Variants in FAM117A observed in about 807,000 individuals in gnomAD.
The protein encoded by FAM117A is protein FAM117A.
In FAM117A, 21 loss-of-function variants were observed where a neutral mutation model predicts 44.1. The ratio of observed to expected loss-of-function variants is 0.48; its 90% CI spans 0.34 to 0.69. The LOEUF is 0.69. Among genes scored for constraint, FAM117A ranks in the 30% least tolerant of loss-of-function variants. FAM117A has a pLI of 0.01. For synonymous variants in FAM117A, 220 were observed against 238.3 expected (o/e 0.92, Z 0.71); for missense variants, 498 against 589.9 (o/e 0.84, Z 1.61).
rs146135885 is a variant in FAM117A at position 49,782,197 on chromosome 17, A to C, written c.-621+6300T>G. 5.8e-3 allele frequency among the ~76,000 whole-genome samples: 881 copies of C among 151,678 alleles called. 8 individuals carry two copies. Among genetic ancestry groups the C allele is most frequent in the African/African-American group, 0.021 (849 of 41,302 alleles). The stretch of plus-strand genomic sequence containing the variant: ...GAGACCATCCTGGCTAACACAATGA[A>C]ACCCCGTCTCTACTAAAAATACAAA... On this transcript the variant is annotated intron_variant, in intron 1 of 7. Coordinates refer to the FAM117A transcript ENST00000513602.
intron 1 of FAM117A, among the ~76,000 whole-genome samples, chr17:49,777,106 G>A (rs541782009): frequency 2.6e-5 from 4 of 152,236 alleles, no homozygotes; most frequent in Non-Finnish European, 4.4e-5. Context: ...GCTGGCCGCT[G>A]TGTTTGGTTG....
chr17:49,711,411 G>C lies in FAM117A; in HGVS notation c.1206C>G (p.Pro402=), dbSNP rs761305703. Residue 402 remains proline (P), a synonymous_variant, in exon 8 of 8, where the codon CCC becomes CCG. Coordinates refer to ENST00000240364, the MANE Select transcript of FAM117A (RefSeq NM_030802.4). ...PGMGFIFRNC[P]SNPGSPLPPA... ...GGGGAAGGGGAGATCCCGGGTTTGA[G>C]GGGCAGTTACGGAAGATGAAGCCCA... 6.2e-7 allele frequency: 1 copy of C among 1,613,556 alleles called. No individual in the cohort carries two copies. Among genetic ancestry groups the C allele is most frequent in the Non-Finnish European group, 8.5e-7 (1 of 1,179,810 alleles).
chr17:49,764,264 T>C (rs1175668109), upstream of FAM117A: 8 of 364,432 alleles, frequency 2.2e-5, no homozygotes, highest in Non-Finnish European at 3.9e-5. Context: ...AGCCTTCCCT[T>C]TCCTGAGGAT....
At chr17:49,768,609 G>A (rs1038188457), upstream of FAM117A, among the ~76,000 whole-genome samples, 1 of 152,122 alleles carries the variant, frequency 6.6e-6, no homozygotes. Context: ...GTCAGGACTG[G>A]CTCCTCAGGG....
chr17:49,752,163 GATA>G (rs1598031232), intron 1 of FAM117A, among the ~76,000 whole-genome samples: 1 of 152,098 alleles, frequency 6.6e-6, no homozygotes, highest in Non-Finnish European at 1.5e-5. Context: ...GGGAGGGTTA[GATA>G]ACCTCCAAGA....
intron 1 of FAM117A, chr17:49,747,360 G>C (rs1210958581): frequency 6.6e-6 from 1 of 152,196 alleles, no homozygotes; most frequent in Non-Finnish European, 1.5e-5. Flanking sequence ...CAGAGGGCAG[G>C]TTTGCTCTCT....
At chr17:49,744,050 T>G (rs2073644944) in intron 1 of FAM117A, among the ~76,000 whole-genome samples, 1 of 152,242 alleles carries the variant, frequency 6.6e-6, no homozygotes, top group Non-Finnish European at 1.5e-5. Flanking sequence ...AAATAATTTC[T>G]GCTTTATGAA....
At chr17:49,785,900 A>C (rs1598041063) in intron 1 of FAM117A, among the ~76,000 whole-genome samples, 1 of 152,376 alleles carries the variant, frequency 6.6e-6, no homozygotes, top group East Asian at 1.9e-4. Context: ...GAGAGTGTCA[A>C]CGTGAAGTCT....
intron 1 of FAM117A, among the ~76,000 whole-genome samples, chr17:49,779,895 C>A (rs1262772348): frequency 1.3e-5 from 2 of 152,160 alleles, no homozygotes; most frequent in Non-Finnish European, 2.9e-5. Context: ...GCTGGCAAGG[C>A]TAGGCACATA....
At chr17:49,720,475 G>T in intron 3 of FAM117A, 39 bp from the exon 4 acceptor site, 1 of 1,545,438 alleles carries the variant, frequency 6.5e-7, no homozygotes, top group Non-Finnish European at 8.9e-7. Flanking sequence ...GCAGATTAAG[G>T]AAAGCCAAAG....
intron 2 of FAM117A, among the ~76,000 whole-genome samples, chr17:49,723,178 A>G (rs2073543499): frequency 6.6e-6 from 1 of 151,690 alleles, no homozygotes; most frequent in South Asian, 2.1e-4. Flanking sequence ...TACTCCCCCA[A>G]CCCCTGCCCC....
intron 1 of FAM117A, among the ~76,000 whole-genome samples, chr17:49,761,065 C>A (rs2073720794): frequency 6.6e-6 from 1 of 152,118 alleles, no homozygotes. Flanking sequence ...ACCCTTTTCA[C>A]GAGGTCTAAT....
upstream of FAM117A, chr17:49,789,029 C>G (rs1479968489): frequency 2.1e-6 from 1 of 479,614 alleles, no homozygotes; most frequent in Non-Finnish European, 3.7e-6. Context: ...CTGGCCTCGG[C>G]CTATGCTTGC....
chr17:49,756,424 C>T (rs999285927), intron 1 of FAM117A, among the ~76,000 whole-genome samples: 2 of 151,940 alleles, frequency 1.3e-5, no homozygotes, highest in East Asian at 1.9e-4. Flanking sequence ...TGGCAGAGCT[C>T]GGGGTGAACT....
chr17:49,715,626 G>A (rs1240767974), intron 7 of FAM117A, among the ~76,000 whole-genome samples: 1 of 152,138 alleles, frequency 6.6e-6, no homozygotes, highest in Non-Finnish European at 1.5e-5. Flanking sequence ...TACTTGCAAG[G>A]ACTGGAAATT....
intron 1 of FAM117A, among the ~76,000 whole-genome samples, chr17:49,754,927 A>C (rs868600937): frequency 1.7e-4 from 25 of 150,846 alleles, no homozygotes; most frequent in African/African-American, 4.9e-4. Flanking sequence ...AATCCCAGCT[A>C]CTCGAGAGGC....
chr17:49,746,162 C>CA (rs1380988997), intron 1 of FAM117A, among the ~76,000 whole-genome samples: 2 of 152,050 alleles, frequency 1.3e-5, no homozygotes, highest in African/African-American at 4.8e-5. Flanking sequence ...TGTCTAGACA[C>CA]ACATATACAT....
chr17:49,764,487 G>A (rs1009057422), upstream of FAM117A, among the ~76,000 whole-genome samples: 1 of 152,166 alleles, frequency 6.6e-6, no homozygotes, highest in Non-Finnish European at 1.5e-5. Flanking sequence ...CTGAGCTGGA[G>A]AGTGGGCGCG....
rs1046619874 is a variant in FAM117A, at chr17:49,763,993, G to C, written c.95C>G (p.Ala32Gly). Residue 32 changes from alanine (A) to glycine (G), a missense_variant, in exon 1 of 8, where the codon GCC (alanine) becomes GGC (glycine). Transcript: ENST00000240364. The stretch of plus-strand genomic sequence containing the variant: ...CCCAGCCCGGGGGGAGCCGGCGGGG[G>C]CTGGGGGAGAGCAGCCCCGCCGGAG... ...GGLRRGCSPP[A>G]PAGSPRAGLQ... 8.2e-7 allele frequency: 1 copy of C among 1,219,014 alleles called. No homozygotes were observed. The highest frequency in any genetic ancestry group is 4.3e-5 in the Admixed American group (1 of 23,500). The allele number at this position is 1,219,014 out of a possible 1,614,324, so 75.5% of individuals were successfully genotyped here.
Sources: allele counts gnomAD v4.1 joint callset (sites outside exome capture counted in the v4.1 genomes callset), GRCh38; gene constraint gnomAD v4.1.1; transcripts MANE v1.5; gene names NCBI Gene and HGNC (gene_info 2026-07-23, HGNC 2026-07-21).